The following MEGF6 variants were observed in gnomAD, a reference collection of about 807,000 sequenced individuals.
MEGF6 encodes the protein multiple EGF like domains 6, also known as multiple epidermal growth factor-like domains protein 6.
MEGF6 carries 184 observed loss-of-function variants against 207.1 expected under a neutral mutation model. The observed-to-expected ratio is 0.89, with a 90% CI of 0.79 to 1.00. MEGF6 has a LOEUF of 1.00. Ranked by LOEUF, MEGF6 falls within the 50% of genes least tolerant of loss-of-function variation. The pLI is 0.00. For synonymous variants in MEGF6, 1,038 were observed against 910.0 expected (o/e 1.14, Z -2.53); for missense variants, 2,282 against 2,202.9 (o/e 1.04, Z -0.72).
chr1:3,601,301 A>T (rs1271860516), intron 2 of MEGF6, among the ~76,000 whole-genome samples: 1 of 152,270 alleles, frequency 6.6e-6, no homozygotes, highest in Non-Finnish European at 1.5e-5. Flanking sequence ...GGCTGATGCA[A>T]ACAAATTCCC....
chr1:3,534,367 C>T (rs370513120), intron 4 of MEGF6, among the ~76,000 whole-genome samples: 2 of 152,292 alleles, frequency 1.3e-5, no homozygotes, highest in African/African-American at 4.8e-5. Context: ...GCTTTTCTGA[C>T]GTGGCCCTGA....
In MEGF6 at chr1:3,595,368, G is replaced by A. The variant is rs763128795; in HGVS notation, c.346C>T (p.Gln116Ter). ...TVLRCCRGWM[Q>*]QPDEEGCLSA... is the part of the protein sequence containing the mutation. Reference sequence around the variant, plus strand: ...AGGCAGCCCTCCTCGTCGGGCTGCTGCATCCACCCTCGGCAGCACCTGAGC... The same window carrying A: ...AGGCAGCCCTCCTCGTCGGGCTGCTACATCCACCCTCGGCAGCACCTGAGC... The change falls in exon 3 of 37, where the codon CAG (glutamine) becomes TAG (stop). Residue 116 changes from glutamine to a stop codon, truncating the protein, a stop_gained. Transcript: ENST00000356575. LOFTEE classifies it high-confidence loss of function. 1.9e-6 allele frequency: 3 copies of A among 1,612,458 alleles called. No individual in the cohort carries two copies. The highest frequency in any genetic ancestry group is 2.5e-6 in the Non-Finnish European group (3 of 1,179,818).
chr1:3,552,351 G>A (rs1252961963), intron 4 of MEGF6, among the ~76,000 whole-genome samples: 1 of 152,242 alleles, frequency 6.6e-6, no homozygotes, highest in Non-Finnish European at 1.5e-5. Flanking sequence ...TGCGCCTGAT[G>A]CCAGGAGGGC....
chr1:3,492,853 CAG>C, intron 34 of MEGF6, 86 bp from the exon 35 acceptor site: 1 of 1,529,820 alleles, frequency 6.5e-7, no homozygotes, highest in Non-Finnish European at 8.9e-7. Context: ...GGGCCCGCGG[CAG>C]AGCCCAGGTG....
At chr1:3,610,784 C>T (rs984289283) in intron 1 of MEGF6, among the ~76,000 whole-genome samples, 5 of 152,240 alleles carry the variant, frequency 3.3e-5, no homozygotes, top group African/African-American at 4.8e-5. Context: ...AGACGGCTTC[C>T]TCTCTGCCTT....
chr1:3,552,229 C>T (rs1042487140), intron 4 of MEGF6, among the ~76,000 whole-genome samples: 6 of 152,266 alleles, frequency 3.9e-5, no homozygotes, highest in African/African-American at 1.4e-4. Context: ...TAGCACTCAA[C>T]CCCGCCCACC....
rs1324120177 is a variant in MEGF6 at position 3,565,212 on chromosome 1, G to T, written c.481+14613C>A. Among the ~76,000 whole-genome samples, 9 of 152,078 alleles carry T rather than the reference G, an allele frequency of 5.9e-5. No individual in the cohort carries two copies. The East Asian group carries it at 1.7e-3, about 30-fold the overall frequency. On this transcript the variant is annotated intron_variant, in intron 4 of 36. Coordinates refer to ENST00000356575, the MANE Select transcript of MEGF6 (RefSeq NM_001409.4). This position sits in a 1 kb window ranked among gnomAD's most constrained non-coding sequence, Gnocchi z 4.8. ...TCCTCTCTCCCACTGTGTCCCCGAGGCCTGGGCAGTTGGGCGTCCCCAGGC... is the reference window on the plus strand; with the variant it reads ...TCCTCTCTCCCACTGTGTCCCCGAGTCCTGGGCAGTTGGGCGTCCCCAGGC...
intron 2 of MEGF6, among the ~76,000 whole-genome samples, chr1:3,598,912 C>T (rs956787731): frequency 1.3e-5 from 2 of 152,164 alleles, no homozygotes; most frequent in Non-Finnish European, 2.9e-5. Flanking sequence ...AAAGGGCCCC[C>T]GGCCGGGTTT....
rs891910724 is a variant in MEGF6 at position 3,501,785 on chromosome 1, C to T, written c.2314+11G>A. The stretch of plus-strand genomic sequence containing the variant: ...TGGGGAGGCGGAACTGGGGCTGCGG[C>T]TGACACTCACCTGCCTCACAGTCTT... On this transcript the variant is annotated intron_variant, in intron 18 of 36. Transcript: ENST00000356575. 31 of 1,609,852 alleles carry T rather than the reference C, an allele frequency of 1.9e-5. No individual in the cohort carries two copies. The highest frequency in any genetic ancestry group is 2.5e-5 in the Non-Finnish European group (30 of 1,178,714).
intron 26 of MEGF6, 75 bp from the exon 27 acceptor site, chr1:3,497,436 C>T: frequency 1.4e-6 from 2 of 1,442,672 alleles, no homozygotes; most frequent in Admixed American, 5.7e-5. Context: ...AGGCCGGGAG[C>T]AGGTGCTGTG....
chr1:3,526,397 T>A (rs1557750552), intron 4 of MEGF6, among the ~76,000 whole-genome samples: 1 of 125,544 alleles, frequency 8.0e-6, no homozygotes, highest in African/African-American at 2.9e-5. Flanking sequence ...AGGTGACACC[T>A]ATTTTTTTTT....
At chr1:3,507,209 TC>T (rs1641150619) in intron 14 of MEGF6, among the ~76,000 whole-genome samples, 1 of 152,206 alleles carries the variant, frequency 6.6e-6, no homozygotes, top group Admixed American at 6.5e-5. Context: ...GGGTTGGCTG[TC>T]TTCCTCTCAC....
At chr1:3,512,618 T>C (rs1053464927) in intron 7 of MEGF6, among the ~76,000 whole-genome samples, 27 of 152,194 alleles carry the variant, frequency 1.8e-4, no homozygotes, top group Non-Finnish European at 2.5e-4. Flanking sequence ...TCTGATGGTT[T>C]TAAAAACGGG....
chr1:3,583,959 C>T (rs918614801), intron 3 of MEGF6, among the ~76,000 whole-genome samples: 3 of 152,254 alleles, frequency 2.0e-5, no homozygotes, highest in Non-Finnish European at 4.4e-5. Context: ...CCAGAGCTGT[C>T]GAGGGCCACG....
chr1:3,570,717 G>A (rs923142313), intron 4 of MEGF6, among the ~76,000 whole-genome samples: 4 of 152,236 alleles, frequency 2.6e-5, no homozygotes, highest in African/African-American at 9.6e-5. Flanking sequence ...CCCTGCCCCT[G>A]TGCCAGGCCC....
chr1:3,549,080 G>T (rs1295767507), intron 4 of MEGF6, among the ~76,000 whole-genome samples: 1 of 152,152 alleles, frequency 6.6e-6, no homozygotes, highest in African/African-American at 2.4e-5. Flanking sequence ...CCCCAGGCCG[G>T]GCTGAGCTCT....
At chr1:3,614,706 G>T (rs1236629394), upstream of MEGF6, among the ~76,000 whole-genome samples, 1 of 152,204 alleles carries the variant, frequency 6.6e-6, no homozygotes, top group Non-Finnish European at 1.5e-5. Context: ...AGCTTAGAAG[G>T]TTCACTAATG....
the MEGF6 span, among the ~76,000 whole-genome samples, chr1:3,617,833 G>A: frequency 2.0e-5 from 3 of 152,180 alleles, no homozygotes; most frequent in Admixed American, 6.5e-5. Context: ...AGACCGAGGC[G>A]ATGTGTCCAT....
intron 11 of MEGF6, 112 bp downstream of exon 11, chr1:3,509,758 A>C: frequency 7.2e-7 from 1 of 1,381,646 alleles, no homozygotes; most frequent in Non-Finnish European, 9.6e-7. Context: ...CCAGGGGGCA[A>C]AGGACCCCAG....
Sources: gnomAD v4.1 joint callset for allele counts (sites outside exome capture counted in the v4.1 genomes callset) on GRCh38, gnomAD v4.1.1 for gene constraint, Gnocchi (gnomAD v3.1) non-coding constraint, MANE v1.5 for transcripts, NCBI Gene and HGNC (gene_info 2026-07-23, HGNC 2026-07-21) for gene names.